The following ADK variants were observed in gnomAD, a reference collection of about 807,000 sequenced individuals.
ADK encodes the protein N6,N6-dimethyladenosine kinase.
ADK carries 24 observed loss-of-function variants against 44.7 expected under a neutral mutation model. The observed-to-expected ratio is 0.54, with a 90% confidence interval of 0.39 to 0.76. The LOEUF is 0.76. Among genes scored for constraint, ADK ranks in the 30% least tolerant of loss-of-function variants. The pLI is 0.00. For synonymous variants in ADK, 128 were observed against 142.6 expected (o/e 0.90, Z 0.73); for missense variants, 321 against 425.1 (o/e 0.76, Z 2.15).
intron 2 of ADK, among the ~76,000 whole-genome samples, chr10:74,223,342 T>A (rs1844398511): frequency 6.6e-6 from 1 of 152,142 alleles, no homozygotes; most frequent in Admixed American, 6.5e-5. Context: ...AAGGTGGAGC[T>A]CTCATGATCC....
At chr10:74,367,039 G>A (rs1842519364) in intron 4 of ADK, among the ~76,000 whole-genome samples, 1 of 152,146 alleles carries the variant, frequency 6.6e-6, no homozygotes, top group African/African-American at 2.4e-5. Flanking sequence ...ATTAGTTTAT[G>A]TCTTGCTTTT....
intron 10 of ADK, among the ~76,000 whole-genome samples, chr10:74,683,798 C>A (rs1267565227): frequency 6.6e-6 from 1 of 152,176 alleles, no homozygotes; most frequent in Non-Finnish European, 1.5e-5. Context: ...TTTTGTCGTC[C>A]TCCGTAAGGG....
intron 1 of ADK, among the ~76,000 whole-genome samples, chr10:74,188,343 ATTT>A (rs765922880): frequency 2.5e-5 from 2 of 81,364 alleles, no homozygotes; most frequent in Non-Finnish European, 4.6e-5. Context: ...TGTATTTTTA[ATTT>A]TTTTTTTTTT....
At chr10:74,309,148 T>C (rs1840354365) in intron 3 of ADK, among the ~76,000 whole-genome samples, 1 of 152,276 alleles carries the variant, frequency 6.6e-6, no homozygotes, top group Non-Finnish European at 1.5e-5. Flanking sequence ...GTGCTATTTG[T>C]GTTTTAAAAT....
At chr10:74,502,501 A>G (rs1589180883) in intron 6 of ADK, among the ~76,000 whole-genome samples, 1 of 152,140 alleles carries the variant, frequency 6.6e-6, no homozygotes, top group Non-Finnish European at 1.5e-5. Flanking sequence ...ATGAACTGCA[A>G]CCTTCTATGA....
intron 7 of ADK, among the ~76,000 whole-genome samples, chr10:74,574,121 CT>C (rs1851083898): frequency 6.6e-6 from 1 of 151,882 alleles, no homozygotes; most frequent in South Asian, 2.1e-4. Flanking sequence ...GAGCTGTAGA[CT>C]GGAGCTGTTC....
chr10:74,629,611 C>T (rs896974704), intron 9 of ADK, among the ~76,000 whole-genome samples: 2 of 152,096 alleles, frequency 1.3e-5, no homozygotes, highest in African/African-American at 4.8e-5. Flanking sequence ...CTTCAAAGAG[C>T]TTATACTTGT....
At chr10:74,537,062 A>G (rs987119965) in intron 7 of ADK, among the ~76,000 whole-genome samples, 1 of 152,136 alleles carries the variant, frequency 6.6e-6, no homozygotes, top group African/African-American at 2.4e-5. Flanking sequence ...TTACATTCCT[A>G]CCATCAATAC....
intron 6 of ADK, among the ~76,000 whole-genome samples, chr10:74,458,299 G>GTTTTTTTT (rs376118678): frequency 6.3e-5 from 5 of 79,046 alleles, no homozygotes; most frequent in Admixed American, 1.4e-4. Flanking sequence ...CCCAGGTTTT[G>GTTTTTTTT]TTTTTTTTTT....
chr10:74,367,598 G>C (rs1219612307), intron 4 of ADK, among the ~76,000 whole-genome samples: 4 of 152,132 alleles, frequency 2.6e-5, no homozygotes, highest in African/African-American at 9.7e-5. Context: ...CCAGTACTCG[G>C]TGCTTTTGCA....
intron 8 of ADK, among the ~76,000 whole-genome samples, chr10:74,594,332 G>A (rs1851821374): frequency 6.7e-6 from 1 of 150,236 alleles, no homozygotes; most frequent in South Asian, 2.1e-4. Context: ...ATTAAAGTAT[G>A]ATTAAAAAAA....
intron 6 of ADK, among the ~76,000 whole-genome samples, chr10:74,421,535 A>G (rs1049273287): frequency 2.0e-5 from 3 of 152,214 alleles, no homozygotes; most frequent in Non-Finnish European, 4.4e-5. Context: ...ATACATGCAT[A>G]TGTTTCCTAG....
chr10:74,466,263 T>C (rs1017590335), intron 6 of ADK, among the ~76,000 whole-genome samples: 15 of 152,210 alleles, frequency 9.9e-5, no homozygotes, highest in African/African-American at 3.4e-4. Context: ...TCAGAACTCA[T>C]TGGATTCAGT....
At chr10:74,433,826 G>T (rs200800561) in intron 6 of ADK, among the ~76,000 whole-genome samples, 1 of 30,410 alleles carries the variant, frequency 3.3e-5, no homozygotes, top group Non-Finnish European at 2.2e-4. Flanking sequence ...GAAATACTTT[G>T]AGTACACAGG....
chr10:74,182,047 A>G (rs1400182338), intron 1 of ADK, among the ~76,000 whole-genome samples: 6 of 152,046 alleles, frequency 3.9e-5, no homozygotes, highest in African/African-American at 1.4e-4. Flanking sequence ...GTCGTGGGGT[A>G]TTTTCCTTCT....
At chr10:74,592,297 G>T (rs990042132) in intron 8 of ADK, among the ~76,000 whole-genome samples, 1 of 152,070 alleles carries the variant, frequency 6.6e-6, no homozygotes, top group East Asian at 1.9e-4. Context: ...AGACTGGAGT[G>T]TGTTTTTAAA....
At chr10:74,420,618 C>T (rs1358268354) in intron 6 of ADK, among the ~76,000 whole-genome samples, 1 of 151,952 alleles carries the variant, frequency 6.6e-6, no homozygotes, top group Non-Finnish European at 1.5e-5. Context: ...GATTGGAATC[C>T]AACTCTGTTT....
intron 9 of ADK, among the ~76,000 whole-genome samples, chr10:74,645,424 T>A (rs1035412994): frequency 6.6e-6 from 1 of 152,180 alleles, no homozygotes; most frequent in African/African-American, 2.4e-5. Context: ...TTGAACAACA[T>A]TGAAGATTTT....
intron 4 of ADK, among the ~76,000 whole-genome samples, chr10:74,392,159 C>A (rs1189251548): frequency 1.3e-5 from 2 of 152,128 alleles, no homozygotes; most frequent in Non-Finnish European, 2.9e-5. Context: ...GCTTTGAATT[C>A]TTTTGACTGT....
Sources: allele counts gnomAD v4.1 joint callset (sites outside exome capture counted in the v4.1 genomes callset), GRCh38; gene constraint gnomAD v4.1.1; transcripts MANE v1.5; gene names NCBI Gene and HGNC (gene_info 2026-07-23, HGNC 2026-07-21).